The following DPP8 variants were observed in gnomAD, a reference collection of about 807,000 sequenced individuals.
DPP8 encodes the protein dipeptidyl peptidase 8.
DPP8 carries 31 observed loss-of-function variants against 107.5 expected under a neutral mutation model. The ratio of observed to expected loss-of-function variants is 0.29; its 90% CI spans 0.22 to 0.39. The LOEUF (loss-of-function observed/expected upper bound fraction) is 0.39. DPP8 is among the 10% of genes least tolerant of loss of function. The pLI is 1.00. For missense variants in DPP8, 842 were observed against 1,076.1 expected, an observed-to-expected ratio of 0.78 and a Z score of 3.04; for synonymous variants, 381 against 356.6, an observed-to-expected ratio of 1.07 and a Z score of -0.77.
chr15:65,465,677 T>C (rs2065284158), intron 14 of DPP8, among the ~76,000 whole-genome samples: 1 of 150,902 alleles, frequency 6.6e-6, no homozygotes, highest in African/African-American at 2.4e-5. Context: ...TGCCTCAGCC[T>C]CCTGAGTAGC....
intron 1 of DPP8, 142 bp from the exon 2 acceptor site, chr15:65,512,706 T>C: frequency 2.6e-6 from 2 of 768,552 alleles, no homozygotes; most frequent in Non-Finnish European, 4.2e-6. Context: ...TGAAACTTAG[T>C]AAGAAAAGCA....
intron 18 of DPP8, 113 bp from the exon 19 acceptor site, chr15:65,451,223 G>A (rs1385809548): frequency 1.5e-6 from 1 of 658,950 alleles, no homozygotes; most frequent in African/African-American, 1.9e-5. Flanking sequence ...TGTAATGTTA[G>A]AATAAGAATT....
intron 15 of DPP8, among the ~76,000 whole-genome samples, chr15:65,457,843 G>A (rs955675659): frequency 6.6e-6 from 1 of 152,050 alleles, no homozygotes; most frequent in Non-Finnish European, 1.5e-5. Flanking sequence ...CCCCAGGCTG[G>A]AGTGTGGTGG....
chr15:65,487,319 T>C (rs1477986388), intron 7 of DPP8, among the ~76,000 whole-genome samples: 1 of 152,096 alleles, frequency 6.6e-6, no homozygotes, highest in Non-Finnish European at 1.5e-5. Flanking sequence ...CTGGCTAATT[T>C]TGTATTTTTA....
intron 1 of DPP8, among the ~76,000 whole-genome samples, chr15:65,513,040 G>C (rs147142646): frequency 6.6e-6 from 1 of 152,156 alleles, no homozygotes; most frequent in African/African-American, 2.4e-5. Flanking sequence ...AAATGAGAAC[G>C]GTAATAAAAT....
At chr15:65,517,087 T>A (rs1408284168) in intron 1 of DPP8, 1 of 152,526 alleles carries the variant, frequency 6.6e-6, no homozygotes, top group African/African-American at 2.4e-5. Context: ...CCGAAGCCCA[T>A]CTGCCAAGTC....
intron 12 of DPP8, among the ~76,000 whole-genome samples, chr15:65,472,845 G>C (rs777331061): frequency 1.2e-3 from 179 of 152,216 alleles, no homozygotes; most frequent in Non-Finnish European, 1.0e-3. Flanking sequence ...TTTGAGACCA[G>C]CCTGGGCAAC....
intron 8 of DPP8, among the ~76,000 whole-genome samples, chr15:65,482,369 C>T (rs1460049605): frequency 6.6e-6 from 1 of 151,378 alleles, no homozygotes; most frequent in Non-Finnish European, 1.5e-5. Flanking sequence ...GCAACCTCTG[C>T]CTCCCGGGTT....
chr15:65,482,707 G>T (rs1036428775), intron 8 of DPP8, among the ~76,000 whole-genome samples: 1 of 152,084 alleles, frequency 6.6e-6, no homozygotes, highest in Non-Finnish European at 1.5e-5. Context: ...GTCCTCCAAA[G>T]AAAATATATA....
chr15:65,503,829 T>C (rs1048687633), intron 3 of DPP8, among the ~76,000 whole-genome samples: 2 of 151,908 alleles, frequency 1.3e-5, no homozygotes, highest in Non-Finnish European at 2.9e-5. Context: ...TTCACCATGT[T>C]GGCCAGAGTG....
chr15:65,476,214 T>C (rs575719492), intron 11 of DPP8, among the ~76,000 whole-genome samples: 29 of 152,276 alleles, frequency 1.9e-4, no homozygotes, highest in Non-Finnish European at 2.5e-4. Flanking sequence ...TATTAGTGTC[T>C]TTCCTAGGGT....
At chr15:65,502,822 T>C (rs1365712809) in intron 3 of DPP8, 1 of 152,122 alleles carries the variant, frequency 6.6e-6, no homozygotes, top group African/African-American at 2.4e-5. Flanking sequence ...AACTGCTACA[T>C]TTGACTGACA....
Position 65,489,413 on chromosome 15 carries a change from C to CTTTTTTT in DPP8, c.826+769_826+775dup, listed in dbSNP as rs71924792. Among the ~76,000 whole-genome samples, 221 of 104,180 alleles carry CTTTTTTT rather than the reference C, an allele frequency of 2.1e-3. 13 individuals carry two copies. Among genetic ancestry groups the CTTTTTTT allele is most frequent in the East Asian group, 0.011 (36 of 3,318 alleles). The allele number at this position is 104,180 out of a possible 152,430, so 68.3% of individuals were successfully genotyped here. A position where few individuals can be genotyped will look rare whatever the true frequency, so the allele number is the denominator to read the frequency against. On this transcript the variant is annotated intron_variant, in intron 6 of 19. Coordinates refer to ENST00000300141, the MANE Select transcript of DPP8 (RefSeq NM_130434.5). ...CTTCATTATGATGAAATATAATCTACTTTTTTTTTTTTTTTTTTGAGACAG... is the reference window on the plus strand; with the variant it reads ...CTTCATTATGATGAAATATAATCTACTTTTTTTTTTTTTTTTTTTTTTTTTGAGACAG...
chr15:65,512,692 G>A, intron 1 of DPP8, 128 bp from the exon 2 acceptor site: 3 of 853,380 alleles, frequency 3.5e-6, no homozygotes, highest in South Asian at 1.7e-5. Context: ...TAGCACAGCT[G>A]CAATGAAACT....
chr15:65,471,085 T>A (rs1296863403), intron 12 of DPP8, among the ~76,000 whole-genome samples: 1 of 152,206 alleles, frequency 6.6e-6, no homozygotes, highest in Non-Finnish European at 1.5e-5. Flanking sequence ...TGGGGTTCCC[T>A]CAGCATTATG....
intron 19 of DPP8, among the ~76,000 whole-genome samples, chr15:65,447,555 TTC>T (rs2063565975): frequency 6.6e-6 from 1 of 152,190 alleles, no homozygotes; most frequent in Non-Finnish European, 1.5e-5. Flanking sequence ...CTTTTTAATA[TTC>T]TGTGTTTATG....
Position 65,444,167 on chromosome 15 carries a change from C to T in DPP8, c.*2717G>A, listed in dbSNP as rs1168333233. ...CTCCTGACTTCAAGTGATTCACCCG[C>T]CTTGGCCTCCCAAAGTGCTAGGATT... On this transcript the variant is annotated 3_prime_UTR_variant, in exon 20 of 20. Transcript: ENST00000300141. The T allele has an allele frequency of 1.3e-5, 2 of 152,242 alleles. No individual in the cohort carries two copies. The highest frequency in any genetic ancestry group is 2.4e-5 in the African/African-American group (1 of 41,456). 9.4% of individuals were successfully genotyped at this position (152,242 alleles called of 1,614,324 possible). A position where few individuals can be genotyped will look rare whatever the true frequency, so the allele number is the denominator to read the frequency against.
chr15:65,480,480 C>T (rs947468814), intron 9 of DPP8, 81 bp from the exon 10 acceptor site: 12 of 968,588 alleles, frequency 1.2e-5, no homozygotes, highest in Non-Finnish European at 1.8e-5. Context: ...CCTTTGGCAC[C>T]TATCAATTAT....
Position 65,454,335 on chromosome 15 carries a change from C to G in DPP8, c.2199G>C (p.Val733=), listed in dbSNP as rs1390858805. Residue 733 remains valine, a synonymous_variant, in exon 17 of 20, where the codon GTG becomes GTC. Coordinates refer to ENST00000300141, the MANE Select transcript of DPP8 (RefSeq NM_130434.5). ...SRYDFIDLDR[V]GIHGWSYGGY... ...CTCCATAGGACCAGCCGTGGATGCC[C>G]ACACGATCTAAGTCAATGAAATCAT... 1.5e-5 allele frequency: 24 copies of G among 1,605,050 alleles called. No individual in the cohort carries two copies. The highest frequency in any genetic ancestry group is 1.7e-5 in the Admixed American group (1 of 58,242).
Sources: allele counts gnomAD v4.1 joint callset (sites outside exome capture counted in the v4.1 genomes callset), GRCh38; gene constraint gnomAD v4.1.1; transcripts MANE v1.5; gene names NCBI Gene and HGNC (gene_info 2026-07-23, HGNC 2026-07-21).